The following SHOX variants were observed in gnomAD, a reference collection of about 807,000 sequenced individuals.
SHOX encodes the protein SHOX homeobox, also known as short stature homeobox protein.
Under a neutral mutation model 29.6 loss-of-function variants are expected in SHOX, and 12 were observed. That is an observed-to-expected ratio of 0.41 (90% confidence interval 0.26 to 0.66). The LOEUF is 0.66. SHOX is among the 30% of genes least tolerant of loss of function. SHOX has a pLI of 0.35. For missense variants in SHOX, 499 were observed against 437.7 expected (o/e 1.14, Z -1.25); for synonymous variants, 214 against 200.6 (o/e 1.07, Z -0.57).
chrX:629,724 AC>A (rs1175643231), upstream of SHOX, among the ~76,000 whole-genome samples: 29 of 152,140 alleles, frequency 1.9e-4, no homozygotes, highest in Middle Eastern at 3.4e-3. Flanking sequence ...CCGTGGGGTT[AC>A]GGGAGGAAGG....
upstream of SHOX, among the ~76,000 whole-genome samples, chrX:627,867 A>G (rs183223131): frequency 7.9e-5 from 12 of 152,230 alleles, no homozygotes; most frequent in Middle Eastern, 3.4e-3. Flanking sequence ...AGCTGGGAGG[A>G]CGGAGGGTTT....
intron 2 of SHOX, among the ~76,000 whole-genome samples, chrX:638,585 G>T (rs906860015): frequency 2.6e-5 from 4 of 152,204 alleles, no homozygotes; most frequent in African/African-American, 9.7e-5. Context: ...TTCTCCAGGC[G>T]CACTGCAGCC....
chrX:636,209 T>C, intron 2 of SHOX, among the ~76,000 whole-genome samples: 1 of 146,574 alleles, frequency 6.8e-6, no homozygotes, highest in East Asian at 2.0e-4. Context: ...CATATATAAA[T>C]ATATAAACAC....
upstream of SHOX, among the ~76,000 whole-genome samples, chrX:626,952 C>G (rs896671798): frequency 2.0e-4 from 31 of 151,344 alleles, no homozygotes; most frequent in African/African-American, 7.3e-4. Context: ...CTCTTTTTCT[C>G]TCTCTGTCTG....
chrX:655,610 CTCTCTATATATATATA>C (rs1318121699), downstream of SHOX, among the ~76,000 whole-genome samples: 147 of 19,016 alleles, frequency 7.7e-3, no homozygotes, highest in Admixed American at 0.02. Context: ...CTCTCTCTCT[CTCTCTATATATATATA>C]TATATATATA....
chrX:631,280 C>T, intron 1 of SHOX, 106 bp downstream of exon 1: 3 of 1,409,738 alleles, frequency 2.1e-6, no homozygotes, highest in Non-Finnish European at 3.0e-6. Flanking sequence ...TTTGCAGCTC[C>T]CGTCTCGCCA....
At chrX:644,351 C>G in intron 4 of SHOX, 40 bp from the exon 5 acceptor site, 1 of 1,509,040 alleles carries the variant, frequency 6.6e-7, no homozygotes, top group Non-Finnish European at 8.8e-7. Flanking sequence ...CCCCCCAGTC[C>G]CCATCCTGCG....
downstream of SHOX, among the ~76,000 whole-genome samples, chrX:654,747 T>C (rs1008282203): frequency 1.3e-4 from 20 of 152,044 alleles, no homozygotes; most frequent in Admixed American, 6.5e-4. Flanking sequence ...TGCAGTGGCG[T>C]GATCTCAGCT....
At chrX:636,024 T>G (rs1353591797) in intron 2 of SHOX, among the ~76,000 whole-genome samples, 1 of 151,982 alleles carries the variant, frequency 6.6e-6, no homozygotes, top group African/African-American at 2.4e-5. Context: ...TAGGACTGGT[T>G]ATGAGGTCAA....
downstream of SHOX, among the ~76,000 whole-genome samples, chrX:653,495 T>C (rs1176578442): frequency 1.6e-4 from 24 of 152,240 alleles, no homozygotes. Flanking sequence ...GGAATCTTCC[T>C]GGATATCGCT....
upstream of SHOX, among the ~76,000 whole-genome samples, chrX:628,167 C>A (rs867912688): frequency 4.8e-5 from 3 of 62,412 alleles, no homozygotes; most frequent in Non-Finnish European, 7.4e-5. Flanking sequence ...CTCTCTCCAT[C>A]TCTCTGTCTC....
intron 2 of SHOX, among the ~76,000 whole-genome samples, chrX:636,890 G>A (rs771207900): frequency 6.9e-6 from 1 of 145,566 alleles, no homozygotes; most frequent in Admixed American, 7.0e-5. Context: ...TGTTGCTTAG[G>A]AGATGAGGAT....
upstream of SHOX, chrX:630,601 GGTGTACGGACGCCAAACA>G: frequency 1.8e-6 from 1 of 557,036 alleles, no homozygotes; most frequent in South Asian, 2.2e-5. Context: ...TTCGCACCAA[GGTGTACGGACGCCAAACA>G]GTGATGAAAT....
chrX:637,335 C>T (rs2052776564), intron 2 of SHOX, among the ~76,000 whole-genome samples: 1 of 151,926 alleles, frequency 6.6e-6, no homozygotes, highest in South Asian at 2.1e-4. Context: ...CTGGGATCTG[C>T]AATATATCCC....
At chrX:642,767 G>A (rs2052878623) in intron 4 of SHOX, among the ~76,000 whole-genome samples, 1 of 151,918 alleles carries the variant, frequency 6.6e-6, no homozygotes, top group South Asian at 2.1e-4. Flanking sequence ...GGGACCTGGT[G>A]TCCCGGGAGA....
downstream of SHOX, among the ~76,000 whole-genome samples, chrX:653,615 C>T (rs765401848): frequency 1.1e-4 from 16 of 141,194 alleles, no homozygotes; most frequent in South Asian, 3.6e-3. Flanking sequence ...CTGGACTTGA[C>T]CACATTTAAA....
At chrX:625,120 TTC>T (rs1415055275) in intron 1 of SHOX, among the ~76,000 whole-genome samples, 6 of 139,120 alleles carry the variant, frequency 4.3e-5, no homozygotes, top group Admixed American at 7.6e-5. Flanking sequence ...CTTTCTTTCT[TTC>T]TCTTTCTTTT....
rs752344322 is a variant in SHOX, at chrX:641,091, G to C, written c.633+4G>C. On this transcript the variant is annotated splice_donor_region_variant and intron_variant, in intron 4 of 4. Transcript: ENST00000686671. ...CTTACGGATGCCTTTCCAACAGGTA[G>C]CTCACTTTTTCTTCCTCTGAAGATC... 3 of 1,613,590 alleles carry C rather than the reference G, an allele frequency of 1.9e-6. No individual in the cohort carries two copies. Among genetic ancestry groups the C allele is most frequent in the Non-Finnish European group, 2.5e-6 (3 of 1,179,756 alleles).
At chrX:658,003 C>T (rs1341922862) in intron 5 of SHOX, among the ~76,000 whole-genome samples, 6 of 152,064 alleles carry the variant, frequency 3.9e-5, no homozygotes, top group Non-Finnish European at 5.9e-5. Flanking sequence ...GAGACAGAGT[C>T]TCACTCTGTC....
Sources: gnomAD v4.1 joint callset for allele counts (sites outside exome capture counted in the v4.1 genomes callset) on GRCh38, gnomAD v4.1.1 for gene constraint, MANE v1.5 for transcripts, NCBI Gene and HGNC (gene_info 2026-07-23, HGNC 2026-07-21) for gene names.